SLC38A12: variants seen among roughly 807,000 people sequenced by gnomAD.
SLC38A12 encodes putative sodium-coupled neutral amino acid transporter 12.
the SLC38A12 span, among the ~76,000 whole-genome samples, chr17:74,786,210 G>A: frequency 3.9e-5 from 6 of 152,190 alleles, no homozygotes; most frequent in Non-Finnish European, 5.9e-5. Flanking sequence ...GGCTCTTCTC[G>A]GGGATTCCCA....
At chr17:74,791,804 A>G in the SLC38A12 span, among the ~76,000 whole-genome samples, 1 of 152,246 alleles carries the variant, frequency 6.6e-6, no homozygotes, top group African/African-American at 2.4e-5. Context: ...TGCCAGCGAC[A>G]TCTTATATCT....
the SLC38A12 span, among the ~76,000 whole-genome samples, chr17:74,834,690 C>G: frequency 6.6e-6 from 1 of 152,248 alleles, no homozygotes; most frequent in Admixed American, 6.5e-5. Context: ...GAGCTGGCCT[C>G]TTTGGCCACT....
chr17:74,834,384 A>G, the SLC38A12 span, among the ~76,000 whole-genome samples: 1 of 151,922 alleles, frequency 6.6e-6, no homozygotes, highest in Non-Finnish European at 1.5e-5. Context: ...GAAACAAATC[A>G]TCTTCTTTAC....
the SLC38A12 span, among the ~76,000 whole-genome samples, chr17:74,786,271 G>T: frequency 6.6e-6 from 1 of 152,224 alleles, no homozygotes; most frequent in African/African-American, 2.4e-5. Flanking sequence ...AGGCCAGGAA[G>T]GGGTTTAGGA....
the SLC38A12 span, chr17:74,790,214 C>T: frequency 4.3e-6 from 7 of 1,613,432 alleles, no homozygotes; most frequent in East Asian, 2.2e-5. Context: ...AGGAAGATGA[C>T]GACTCCTCCA....
At chr17:74,820,424 G>T in the SLC38A12 span, among the ~76,000 whole-genome samples, 1 of 152,232 alleles carries the variant, frequency 6.6e-6, no homozygotes, top group Admixed American at 6.5e-5. Context: ...GCTGCGGTCT[G>T]GGCGTCTGTT....
the SLC38A12 span, among the ~76,000 whole-genome samples, chr17:74,813,274 G>C: frequency 6.6e-6 from 1 of 152,230 alleles, no homozygotes; most frequent in Admixed American, 6.5e-5. Context: ...GGGCTGGGAG[G>C]GACCCTCCCC....
At chr17:74,824,067 A>G in the SLC38A12 span, among the ~76,000 whole-genome samples, 97 of 152,246 alleles carry the variant, frequency 6.4e-4, no homozygotes, top group African/African-American at 2.3e-3. Context: ...GCTGGCCATG[A>G]GACTGGGGAC....
chr17:74,814,696 G>T, the SLC38A12 span, among the ~76,000 whole-genome samples: 1 of 152,094 alleles, frequency 6.6e-6, no homozygotes, highest in African/African-American at 2.4e-5. Context: ...GGCAAGACTG[G>T]GGCTGCCCCT....
chr17:74,813,691 G>A, the SLC38A12 span, among the ~76,000 whole-genome samples: 1 of 152,078 alleles, frequency 6.6e-6, no homozygotes, highest in Non-Finnish European at 1.5e-5. Flanking sequence ...AGTAGAGACG[G>A]GGTTTTGCCA....
At chr17:74,795,080 G>A in the SLC38A12 span, 8 of 1,614,138 alleles carry the variant, frequency 5.0e-6, no homozygotes, top group South Asian at 3.3e-5. Flanking sequence ...CTATGCTGCT[G>A]CCGTGCCCTT....
chr17:74,835,612 CCCT>C, the SLC38A12 span, among the ~76,000 whole-genome samples: 1 of 152,164 alleles, frequency 6.6e-6, no homozygotes, highest in Non-Finnish European at 1.5e-5. Context: ...CCAGGACTGG[CCCT>C]CCTCTAAGAA....
At chr17:74,822,124 G>T in the SLC38A12 span, among the ~76,000 whole-genome samples, 4 of 152,210 alleles carry the variant, frequency 2.6e-5, no homozygotes, top group African/African-American at 4.8e-5. Context: ...AGAAGAGGAG[G>T]CTGAGGGCAA....
At chr17:74,823,608 T>C in the SLC38A12 span, among the ~76,000 whole-genome samples, 1 of 152,260 alleles carries the variant, frequency 6.6e-6, no homozygotes, top group African/African-American at 2.4e-5. Context: ...GGCTGGTCAG[T>C]GTGGGATGCC....
At chr17:74,789,543 C>CA in the SLC38A12 span, among the ~76,000 whole-genome samples, 3,441 of 110,644 alleles carry the variant, frequency 0.031, 165 homozygotes, top group African/African-American at 0.11. Flanking sequence ...GCAAGCATTT[C>CA]AAAAAAAAAA....
chr17:74,802,096 G>A, the SLC38A12 span, among the ~76,000 whole-genome samples: 4 of 152,192 alleles, frequency 2.6e-5, no homozygotes, highest in African/African-American at 7.2e-5. Context: ...CCTGGGTGAC[G>A]CCTCCCTGAG....
the SLC38A12 span, among the ~76,000 whole-genome samples, chr17:74,833,764 G>GCAA: frequency 6.6e-6 from 1 of 152,186 alleles, no homozygotes; most frequent in Non-Finnish European, 1.5e-5. Flanking sequence ...GCCAGCCTTG[G>GCAA]GCAGGGCCAA....
At chr17:74,804,817 T>C in the SLC38A12 span, among the ~76,000 whole-genome samples, 1 of 152,216 alleles carries the variant, frequency 6.6e-6, no homozygotes, top group Non-Finnish European at 1.5e-5. Flanking sequence ...CGGTCTGTAA[T>C]GTCCAGTTCT....
the SLC38A12 span, among the ~76,000 whole-genome samples, chr17:74,806,241 G>T: frequency 1.3e-5 from 2 of 152,064 alleles, no homozygotes; most frequent in South Asian, 2.1e-4. Flanking sequence ...CCCTAGCCTG[G>T]CCCCAACAGT....
Sources: allele counts gnomAD v4.1 joint callset (sites outside exome capture counted in the v4.1 genomes callset), GRCh38; gene constraint gnomAD v4.1.1; transcripts MANE v1.5; gene names NCBI Gene and HGNC (gene_info 2026-07-23, HGNC 2026-07-21).